The following GABRG3 variants were observed in gnomAD, a reference collection of about 807,000 sequenced individuals.
GABRG3 encodes gamma-aminobutyric acid receptor subunit gamma-3.
A neutral mutation model predicts 48.8 loss-of-function variants in GABRG3; 25 were observed. The ratio of observed to expected loss-of-function variants is 0.51; its 90% CI spans 0.37 to 0.72. The LOEUF (loss-of-function observed/expected upper bound fraction) is 0.72, where lower values mean the gene tolerates loss of function less well. Ranked by LOEUF, GABRG3 falls within the 30% of genes least tolerant of loss-of-function variation. The pLI, the probability that GABRG3 is intolerant of heterozygous loss-of-function variation, is 0.00. For missense variants in GABRG3, 394 were observed against 577.9 expected, an observed-to-expected ratio of 0.68 and a Z score of 3.26; for synonymous variants, 227 against 217.6, an observed-to-expected ratio of 1.04 and a Z score of -0.38.
intron 3 of GABRG3, among the ~76,000 whole-genome samples, chr15:27,160,369 TTTC>T (rs1237403054): frequency 6.6e-6 from 1 of 152,154 alleles, no homozygotes; most frequent in Non-Finnish European, 1.5e-5. Flanking sequence ...TATTCTGGAA[TTTC>T]AAATGGTAGT....
At chr15:27,187,067 G>A (rs1161634016) in intron 3 of GABRG3, among the ~76,000 whole-genome samples, 2 of 95,532 alleles carry the variant, frequency 2.1e-5, no homozygotes, top group African/African-American at 9.7e-5. Flanking sequence ...TTACATTTAA[G>A]TCTTTAATCC....
At chr15:27,368,865 A>G (rs1210542128) in intron 5 of GABRG3, among the ~76,000 whole-genome samples, 1 of 152,166 alleles carries the variant, frequency 6.6e-6, no homozygotes, top group East Asian at 1.9e-4. Context: ...AATGGAAGGC[A>G]TTGAGGGGAA....
At chr15:26,989,984 CA>C (rs1895218659) in intron 2 of GABRG3, among the ~76,000 whole-genome samples, 1 of 152,216 alleles carries the variant, frequency 6.6e-6, no homozygotes, top group African/African-American at 2.4e-5. Flanking sequence ...AATAGTATTA[CA>C]TTATGTATAT....
At position 27,105,328 on chromosome 15, in the gene GABRG3, A is replaced by G. The variant is rs558412034; in HGVS notation, c.270+78507A>G. On this transcript the variant is annotated intron_variant, in intron 3 of 9. Coordinates refer to ENST00000615808, the MANE Select transcript of GABRG3 (RefSeq NM_033223.5). ...GAAAGAAGAAATGTATAAATCTATA[A>G]TTATACTTGGAAAAGGTATAGTAGT... 2.8e-4 allele frequency among the ~76,000 whole-genome samples: 42 copies of G among 152,286 alleles called. 1 individual carries two copies. Among genetic ancestry groups the G allele is most frequent in the Admixed American group, 2.1e-3 (32 of 15,296 alleles).
At position 26,974,187 on chromosome 15, in the gene GABRG3, C is replaced by G. The variant is rs572329734; in HGVS notation, c.53+2599C>G. ...CCAACCAGGCTACACAGCTGGGGCC[C>G]TGATATGCCTCCCAAAGGGGTGGAA... On this transcript the variant is annotated intron_variant, in intron 1 of 9. Transcript: ENST00000615808. This position sits in a 1 kb window ranked among gnomAD's most constrained non-coding sequence, Gnocchi z 4.3. 2.6e-5 allele frequency among the ~76,000 whole-genome samples: 4 copies of G among 152,266 alleles called. No homozygotes were observed. In the South Asian group the frequency reaches 8.3e-4, roughly 32 times the overall value.
chr15:27,122,207 C>T (rs1010962226), intron 3 of GABRG3, among the ~76,000 whole-genome samples: 2 of 152,166 alleles, frequency 1.3e-5, no homozygotes, highest in African/African-American at 4.8e-5. Flanking sequence ...CAAAACATCT[C>T]ATGTACCCCA....
At chr15:27,356,214 T>C (rs1312567290) in intron 5 of GABRG3, among the ~76,000 whole-genome samples, 1 of 152,120 alleles carries the variant, frequency 6.6e-6, no homozygotes, top group African/African-American at 2.4e-5. Flanking sequence ...TCCATGATAA[T>C]TTCAAAAAAC....
intron 2 of GABRG3, among the ~76,000 whole-genome samples, chr15:27,020,506 G>T (rs999697946): frequency 1.3e-5 from 2 of 152,146 alleles, no homozygotes; most frequent in Non-Finnish European, 2.9e-5. Flanking sequence ...CCGCCTCCTG[G>T]GTTCACGCCA....
At chr15:27,127,950 G>GCGT (rs1443383167) in intron 3 of GABRG3, among the ~76,000 whole-genome samples, 2 of 152,198 alleles carry the variant, frequency 1.3e-5, no homozygotes, top group Non-Finnish European at 2.9e-5. Context: ...TGGTGATAAA[G>GCGT]CGTCTCCTCA....
intron 3 of GABRG3, among the ~76,000 whole-genome samples, chr15:27,163,525 T>A (rs185114997): frequency 5.3e-5 from 8 of 152,194 alleles, no homozygotes; most frequent in African/African-American, 1.9e-4. Context: ...CTTGGGCTGT[T>A]ACTAGGATCA....
At chr15:27,390,541 A>C (rs1405072343) in intron 5 of GABRG3, among the ~76,000 whole-genome samples, 1 of 152,192 alleles carries the variant, frequency 6.6e-6, no homozygotes, top group African/African-American at 2.4e-5. Flanking sequence ...CTCATGGACC[A>C]TGGGAGTCAT....
chr15:27,369,233 T>A (rs1038858511), intron 5 of GABRG3, among the ~76,000 whole-genome samples: 1 of 152,160 alleles, frequency 6.6e-6, no homozygotes, highest in Non-Finnish European at 1.5e-5. Context: ...AAGTTCTAGA[T>A]AATGCAAGTG....
chr15:27,111,894 A>G (rs1411936749), intron 3 of GABRG3, among the ~76,000 whole-genome samples: 1 of 152,162 alleles, frequency 6.6e-6, no homozygotes, highest in East Asian at 1.9e-4. Context: ...CAGCTCTTGC[A>G]AAGTGATTTC....
At position 27,236,136 on chromosome 15, in the gene GABRG3, CCA is replaced by C. The variant is rs1031890903; in HGVS notation, c.271-90672_271-90671del. On this transcript the variant is annotated intron_variant, in intron 3 of 9. Transcript: ENST00000615808. This position sits in a 1 kb window ranked among gnomAD's most constrained non-coding sequence, Gnocchi z 4.4. ...TGGTGTGTCCTGAGCCCCATCAGAT[CCA>C]TGGTACAGACCCAGAACACTTTTCT... 1.6e-4 allele frequency among the ~76,000 whole-genome samples: 25 copies of C among 152,296 alleles called. No individual in the cohort carries two copies. Among genetic ancestry groups the C allele is most frequent in the African/African-American group, 5.8e-4 (24 of 41,554 alleles).
At chr15:27,308,308 A>T (rs866650647) in intron 3 of GABRG3, among the ~76,000 whole-genome samples, 2 of 129,110 alleles carry the variant, frequency 1.5e-5, no homozygotes, top group Non-Finnish European at 1.6e-5. Flanking sequence ...CATCATATAA[A>T]CATATATAAA....
At chr15:27,225,433 G>T (rs1263639006) in intron 3 of GABRG3, among the ~76,000 whole-genome samples, 1 of 152,058 alleles carries the variant, frequency 6.6e-6, no homozygotes, top group Non-Finnish European at 1.5e-5. Context: ...TACTTACAAG[G>T]GTGGGCTGCC....
Position 27,188,777 on chromosome 15 carries a change from G to A in GABRG3, c.271-138032G>A, listed in dbSNP as rs145877434. On this transcript the variant is annotated intron_variant, in intron 3 of 9. Coordinates refer to ENST00000615808, the MANE Select transcript of GABRG3 (RefSeq NM_033223.5). Reference sequence around the variant, plus strand: ...TTGGCTTTTGTTGCCATTGCTTTTGGTGTTTTACACATGAAGTCCTTGCCC... The same window carrying A: ...TTGGCTTTTGTTGCCATTGCTTTTGATGTTTTACACATGAAGTCCTTGCCC... Among the ~76,000 whole-genome samples the A allele has an allele frequency of 9.1e-3, 1,379 of 152,272 alleles. 11 individuals are homozygous for A. The highest frequency in any genetic ancestry group is 0.014 in the Non-Finnish European group (935 of 68,024).
intron 5 of GABRG3, among the ~76,000 whole-genome samples, chr15:27,333,057 T>C (rs538673529): frequency 5.9e-5 from 9 of 152,344 alleles, no homozygotes; most frequent in Non-Finnish European, 1.2e-4. Context: ...TTTAAATTAC[T>C]TATATGGATG....
intron 5 of GABRG3, among the ~76,000 whole-genome samples, chr15:27,468,228 C>A (rs1889677084): frequency 6.6e-6 from 1 of 152,194 alleles, no homozygotes; most frequent in South Asian, 2.1e-4. Context: ...AAAGTACACA[C>A]TCAAGAAAGG....
Sources: allele counts gnomAD v4.1 joint callset (sites outside exome capture counted in the v4.1 genomes callset), GRCh38; gene constraint gnomAD v4.1.1; non-coding constraint Gnocchi (gnomAD v3.1); transcripts MANE v1.5; gene names NCBI Gene and HGNC (gene_info 2026-07-23, HGNC 2026-07-21).